Variants in ERN1 observed in about 807,000 individuals in gnomAD.
ERN1 encodes endoplasmic reticulum to nucleus signaling 1.
ERN1 carries 39 observed loss-of-function variants against 113.1 expected under a neutral mutation model. The observed-to-expected ratio is 0.34, with a 90% CI of 0.27 to 0.45. ERN1 has a LOEUF of 0.45. ERN1 is among the 20% of genes least tolerant of loss of function. ERN1 has a pLI of 1.00. For synonymous variants in ERN1, 507 were observed against 515.9 expected, an observed-to-expected ratio of 0.98 and a Z score of 0.23; for missense variants, 976 against 1,274.8, an observed-to-expected ratio of 0.77 and a Z score of 3.57.
intron 19 of ERN1, among the ~76,000 whole-genome samples, chr17:64,047,372 A>T (rs527706269): frequency 6.6e-6 from 1 of 152,356 alleles, no homozygotes; most frequent in Non-Finnish European, 1.5e-5. Context: ...AAAAAAAATA[A>T]AAATAAATAA....
intron 3 of ERN1, 107 bp from the exon 4 acceptor site, chr17:64,079,841 T>C (rs1820448330): frequency 1.2e-6 from 1 of 826,440 alleles, no homozygotes; most frequent in South Asian, 1.5e-5. Context: ...TGGAGGGTGG[T>C]TGTGTGTAGG....
In ERN1 at chr17:64,126,251, C is replaced by T. The variant is rs140336168; in HGVS notation, c.54+3725G>A. ...GAATCCATTAAGATGATACATTAGG[C>T]TTTTCTTCCCTATGTCATCTCTTTA... On this transcript the variant is annotated intron_variant, in intron 1 of 21. Transcript: ENST00000433197. Among the ~76,000 whole-genome samples the T allele has an allele frequency of 8.2e-3, 1,245 of 152,248 alleles. 19 individuals are homozygous for T. The highest frequency in any genetic ancestry group is 0.029 in the African/African-American group (1,202 of 41,538).
At position 64,130,137 on chromosome 17, in the gene ERN1, T is replaced by G; in HGVS notation, c.-108A>C. On this transcript the variant is annotated 5_prime_UTR_variant, in exon 1 of 22. Coordinates refer to ENST00000433197, the MANE Select transcript of ERN1 (RefSeq NM_001433.5). This position sits in a 1 kb window ranked among gnomAD's most constrained non-coding sequence, Gnocchi z 4.0. ...GAGCCTCAGCGGACGCAGAACTGAC[T>G]AGGCAGCGGCGGCACCCCCATTCCC... is the stretch of plus-strand genomic sequence containing the variant. The G allele has an allele frequency of 9.6e-7, 1 of 1,037,980 alleles. No individual in the cohort carries two copies. The highest frequency in any genetic ancestry group is 1.2e-6 in the Non-Finnish European group (1 of 801,556). 64.3% of individuals were successfully genotyped at this position (1,037,980 alleles called of 1,614,324 possible). A position where few individuals can be genotyped will look rare whatever the true frequency, so the allele number is the denominator to read the frequency against.
Position 64,102,492 on chromosome 17 carries a change from G to A in ERN1, c.55-4251C>T, listed in dbSNP as rs910665534. On this transcript the variant is annotated intron_variant, in intron 1 of 21. Transcript: ENST00000433197. ...AAATCGAAACTCCTGGGAGCCACTC[G>A]GAACAGTGTTATTCTCTCATAAGGC... Among the ~76,000 whole-genome samples the A allele has an allele frequency of 2.1e-4, 32 of 152,284 alleles. No individual in the cohort carries two copies. In the East Asian group the frequency reaches 2.1e-3, roughly 10 times the overall value.
intron 1 of ERN1, among the ~76,000 whole-genome samples, chr17:64,115,358 A>T (rs1255631310): frequency 6.6e-6 from 1 of 152,150 alleles, no homozygotes; most frequent in East Asian, 1.9e-4. Context: ...TCCTACATAT[A>T]TGCAGAAAGA....
At chr17:64,074,607 T>G (rs1401073147) in intron 5 of ERN1, among the ~76,000 whole-genome samples, 2 of 152,248 alleles carry the variant, frequency 1.3e-5, no homozygotes, top group Non-Finnish European at 2.9e-5. Flanking sequence ...GGGCTATTAT[T>G]GCTACTATGA....
Position 64,043,741 on chromosome 17 carries a change from T to C in ERN1, c.*247A>G, listed in dbSNP as rs1896968709. On this transcript the variant is annotated 3_prime_UTR_variant, in exon 22 of 22. Coordinates refer to ENST00000433197, the MANE Select transcript of ERN1 (RefSeq NM_001433.5). ...CTCGCGCTGTCTCTGAGGCCCTCCT[T>C]TGCAGACATCATGACCGTAAGGCTT... 1 of 401,892 alleles carries C rather than the reference T, an allele frequency of 2.5e-6. No homozygotes were observed. Among genetic ancestry groups the C allele is most frequent in the Non-Finnish European group, 4.4e-6 (1 of 226,834 alleles). 24.9% of individuals were successfully genotyped at this position (401,892 alleles called of 1,614,324 possible). A position where few individuals can be genotyped will look rare whatever the true frequency, so the allele number is the denominator to read the frequency against.
rs1478821996 is a variant in ERN1, at chr17:64,060,649, C to T, written c.1088-62G>A. On this transcript the variant is annotated intron_variant, in intron 10 of 21. Transcript: ENST00000433197. ...TCCCGAGCTGTGGTGGCACTCAATG[C>T]TAAACTTAGGCAACAGGTGCTACCC... 27 of 1,250,190 alleles carry T rather than the reference C, an allele frequency of 2.2e-5. 1 individual carries two copies. The Admixed American group carries it at 2.9e-4, about 13-fold the overall frequency. 77.4% of individuals were successfully genotyped at this position (1,250,190 alleles called of 1,614,324 possible).
chr17:64,055,598 T>C, intron 13 of ERN1, 77 bp downstream of exon 13: 1 of 1,344,754 alleles, frequency 7.4e-7, no homozygotes, highest in Non-Finnish European at 1.0e-6. Flanking sequence ...GTTTACAATC[T>C]TATGGAGACT....
chr17:64,129,785 T>C (rs1598097631), intron 1 of ERN1, 191 bp downstream of exon 1: 1 of 448,404 alleles, frequency 2.2e-6, no homozygotes, highest in Admixed American at 4.5e-5. Flanking sequence ...GCGACTCCCG[T>C]CAGGGAAGCT....
intron 1 of ERN1, among the ~76,000 whole-genome samples, chr17:64,102,245 C>T (rs566622276): frequency 1.3e-5 from 2 of 152,270 alleles, no homozygotes; most frequent in Non-Finnish European, 2.9e-5. Flanking sequence ...AAGATCATAC[C>T]ATTGCACTCC....
chr17:64,051,127 T>C (rs1912669683), intron 17 of ERN1, among the ~76,000 whole-genome samples: 1 of 149,714 alleles, frequency 6.7e-6, no homozygotes. Context: ...ATAACATTAG[T>C]TTCAAAATCC....
At chr17:64,045,086 G>A (rs1413103692) in intron 20 of ERN1, among the ~76,000 whole-genome samples, 159 bp from the exon 21 acceptor site, 1 of 152,052 alleles carries the variant, frequency 6.6e-6, no homozygotes, top group African/African-American at 2.4e-5. Flanking sequence ...CAACCCAAGG[G>A]TGGTATCCCC....
chr17:64,077,267 T>G (rs1345380998), intron 4 of ERN1, among the ~76,000 whole-genome samples: 1 of 152,208 alleles, frequency 6.6e-6, no homozygotes, highest in Admixed American at 6.5e-5. Flanking sequence ...TGGTTGCCCA[T>G]GAGAATTACT....
rs759634137 is a variant in ERN1 at position 64,042,676 on chromosome 17, T to C, written c.*1312A>G. 7 of 151,760 alleles carry C rather than the reference T, an allele frequency of 4.6e-5. No individual in the cohort carries two copies. The highest frequency in any genetic ancestry group is 1.0e-4 in the Non-Finnish European group (7 of 67,996). The allele number at this position is 151,760 out of a possible 1,614,324, so 9.4% of individuals were successfully genotyped here. ...AACTAAAGCTAAAAATTATGTTAAG[T>C]TTAGAAAAAAAAATATGGTACAAAC... On this transcript the variant is annotated 3_prime_UTR_variant, in exon 22 of 22. Transcript: ENST00000433197.
intron 1 of ERN1, among the ~76,000 whole-genome samples, chr17:64,099,686 G>C (rs113196614): frequency 6.6e-6 from 1 of 152,216 alleles, no homozygotes; most frequent in African/African-American, 2.4e-5. Flanking sequence ...GGCTACTCTC[G>C]GTAAGAGCCA....
At chr17:64,069,138 G>T (rs16947438) in intron 6 of ERN1, among the ~76,000 whole-genome samples, 24,113 of 152,196 alleles carry the variant, frequency 0.16, 2,175 homozygotes, top group East Asian at 0.35. Context: ...GAAGCTGTAA[G>T]ATCCTTCTTT....
intron 15 of ERN1, 53 bp from the exon 16 acceptor site, chr17:64,053,424 C>T (rs1164372488): frequency 3.1e-5 from 39 of 1,268,844 alleles, no homozygotes; most frequent in Non-Finnish European, 4.0e-5. Context: ...GGACTTGGCC[C>T]CTCGGCTCAC....
At chr17:64,086,933 G>A (rs1308163522) in intron 2 of ERN1, among the ~76,000 whole-genome samples, 1 of 151,794 alleles carries the variant, frequency 6.6e-6, no homozygotes, top group Non-Finnish European at 1.5e-5. Flanking sequence ...TGTGTGCCCA[G>A]CCTATTTTCA....
Sources: gnomAD v4.1 joint callset for allele counts (sites outside exome capture counted in the v4.1 genomes callset) on GRCh38, gnomAD v4.1.1 for gene constraint, Gnocchi (gnomAD v3.1) non-coding constraint, MANE v1.5 for transcripts, NCBI Gene and HGNC (gene_info 2026-07-23, HGNC 2026-07-21) for gene names.